Variants in VWC2L observed in about 807,000 individuals in gnomAD.
VWC2L encodes von Willebrand factor C domain-containing protein 2-like.
In VWC2L, 10 loss-of-function variants were observed where a neutral mutation model predicts 21.6. The ratio of observed to expected loss-of-function variants is 0.46; its 90% CI spans 0.29 to 0.78. VWC2L has a LOEUF of 0.78. Ranked by LOEUF, VWC2L falls within the 30% of genes least tolerant of loss-of-function variation. VWC2L has a pLI of 0.10. For missense variants in VWC2L, 209 were observed against 277.1 expected, an observed-to-expected ratio of 0.75 and a Z score of 1.74; for synonymous variants, 96 against 94.3, an observed-to-expected ratio of 1.02 and a Z score of -0.10.
intron 2 of VWC2L, among the ~76,000 whole-genome samples, chr2:214,431,526 T>G (rs540322991): frequency 6.6e-6 from 1 of 152,128 alleles, no homozygotes; most frequent in Non-Finnish European, 1.5e-5. Context: ...TAAACTTGGC[T>G]CTTAGAATAT....
chr2:214,513,992 G>A (rs965095667), intron 3 of VWC2L, among the ~76,000 whole-genome samples: 2 of 152,094 alleles, frequency 1.3e-5, no homozygotes, highest in African/African-American at 4.8e-5. Flanking sequence ...ATGACAGCAG[G>A]ATGTTGATGG....
At position 214,577,527 on chromosome 2, in the gene VWC2L, T is replaced by C. The variant is rs577252524; in HGVS notation, c.*1707T>C. On this transcript the variant is annotated 3_prime_UTR_variant, in exon 4 of 4. Coordinates refer to ENST00000312504, the MANE Select transcript of VWC2L (RefSeq NM_001080500.4). ...AGAACCAGTGGTCTAGAATAATCAG[T>C]ATAGAGTGGTTTCTGGCAGGGGACA... 2.0e-5 allele frequency: 3 copies of C among 152,142 alleles called. No individual in the cohort carries two copies. Among genetic ancestry groups the C allele is most frequent in the African/African-American group, 7.2e-5 (3 of 41,386 alleles). The allele number at this position is 152,142 out of a possible 1,614,324, so 9.4% of individuals were successfully genotyped here.
intron 3 of VWC2L, among the ~76,000 whole-genome samples, chr2:214,492,737 T>G (rs1688761745): frequency 6.6e-6 from 1 of 152,166 alleles, no homozygotes; most frequent in Admixed American, 6.5e-5. Flanking sequence ...TTTCTTAATT[T>G]TGAGTTTTGG....
Position 214,496,346 on chromosome 2 carries a change from T to TCTTCCTCTCC in VWC2L, c.520+59588_520+59589insCTTCCTCTCC, listed in dbSNP as rs538320696. ...AGATGCAATAGAATGGCTGCAAGCA[T>TCTTCCTCTCC]ATGAAACATCTTCCTCTCCATGACT... On this transcript the variant is annotated intron_variant, in intron 3 of 3. Transcript: ENST00000312504. Among the ~76,000 whole-genome samples, 13 of 146,326 alleles carry TCTTCCTCTCC rather than the reference T, an allele frequency of 8.9e-5. No homozygotes were observed. In the East Asian group the frequency reaches 2.4e-3, roughly 27 times the overall value.
chr2:214,556,925 C>A (rs1689881763), intron 3 of VWC2L, among the ~76,000 whole-genome samples: 1 of 152,196 alleles, frequency 6.6e-6, no homozygotes, highest in Admixed American at 6.5e-5. Flanking sequence ...ACACTTCGTG[C>A]TGACTATCCT....
chr2:214,501,802 T>C (rs1348890895), intron 3 of VWC2L, among the ~76,000 whole-genome samples: 1 of 151,708 alleles, frequency 6.6e-6, no homozygotes, highest in Admixed American at 6.6e-5. Context: ...GCCATTGCTC[T>C]CTTGGGATCT....
intron 3 of VWC2L, among the ~76,000 whole-genome samples, chr2:214,465,781 A>C (rs996389825): frequency 6.6e-6 from 1 of 152,160 alleles, no homozygotes; most frequent in Non-Finnish European, 1.5e-5. Flanking sequence ...GTGTAGCCAG[A>C]ACTCAGGTTC....
rs148505966 is a variant in VWC2L, at chr2:214,526,433, C to T, written c.521-49239C>T. On this transcript the variant is annotated intron_variant, in intron 3 of 3. Coordinates refer to ENST00000312504, the MANE Select transcript of VWC2L (RefSeq NM_001080500.4). ...TAATACTTTTTGGCATTTTTCGATT[C>T]GTTCACTGTAGAATAAAATAAGTGA... Among the ~76,000 whole-genome samples the T allele has an allele frequency of 1.7e-3, 263 of 152,230 alleles. 1 individual carries two copies. Among genetic ancestry groups the T allele is most frequent in the Non-Finnish European group, 1.8e-3 (125 of 68,012 alleles).
chr2:214,550,425 G>C (rs949934085), intron 3 of VWC2L, among the ~76,000 whole-genome samples: 2 of 152,014 alleles, frequency 1.3e-5, no homozygotes, highest in Non-Finnish European at 2.9e-5. Flanking sequence ...TATTTCTAAT[G>C]TATCCAACAC....
intron 3 of VWC2L, among the ~76,000 whole-genome samples, chr2:214,468,459 T>C (rs1470953851): frequency 6.6e-6 from 1 of 152,238 alleles, no homozygotes; most frequent in East Asian, 1.9e-4. Flanking sequence ...GTGCTTTCCA[T>C]AGCAATATGG....
intron 3 of VWC2L, among the ~76,000 whole-genome samples, chr2:214,575,034 TA>T (rs3046806): frequency 0.016 from 1,882 of 118,406 alleles, 9 homozygotes; most frequent in Non-Finnish European, 0.023. Context: ...GGTCATTCTT[TA>T]AAAAAAAAAA....
intron 3 of VWC2L, among the ~76,000 whole-genome samples, chr2:214,445,865 TA>T (rs1249830044): frequency 6.6e-6 from 1 of 152,106 alleles, no homozygotes; most frequent in Non-Finnish European, 1.5e-5. Flanking sequence ...GACTTCTTAT[TA>T]AAATTTGTAC....
chr2:214,451,941 CTAT>C (rs1252754000), intron 3 of VWC2L, among the ~76,000 whole-genome samples: 1 of 152,150 alleles, frequency 6.6e-6, no homozygotes, highest in African/African-American at 2.4e-5. Flanking sequence ...ACCTGTGAAA[CTAT>C]TGTCATAATC....
Position 214,411,059 on chromosome 2 carries a change from C to G in VWC2L, c.-808C>G, listed in dbSNP as rs1440090066. 2 of 152,306 alleles carry G rather than the reference C, an allele frequency of 1.3e-5. No homozygotes were observed. The highest frequency in any genetic ancestry group is 6.5e-5 in the Admixed American group (1 of 15,300). The allele number at this position is 152,306 out of a possible 1,614,324, so 9.4% of individuals were successfully genotyped here. ...GACTGCTTGGAGAGCACTCTAGCCT[C>G]GTCTAAAGCAGCTCTGGGATTTCGA... On this transcript the variant is annotated 5_prime_UTR_variant, in exon 1 of 4. Coordinates refer to ENST00000312504, the MANE Select transcript of VWC2L (RefSeq NM_001080500.4).
intron 3 of VWC2L, among the ~76,000 whole-genome samples, chr2:214,446,575 T>A (rs1171304554): frequency 6.6e-6 from 1 of 152,220 alleles, no homozygotes. Context: ...TTATTAGGGC[T>A]ACCTGGTCTT....
chr2:214,437,316 C>G (rs1398501501), intron 3 of VWC2L, among the ~76,000 whole-genome samples: 1 of 152,142 alleles, frequency 6.6e-6, no homozygotes, highest in Non-Finnish European at 1.5e-5. Context: ...CTCACAGTAA[C>G]TGCTATAGAG....
chr2:214,529,329 T>C (rs1689395581), intron 3 of VWC2L, among the ~76,000 whole-genome samples: 1 of 152,094 alleles, frequency 6.6e-6, no homozygotes, highest in Non-Finnish European at 1.5e-5. Flanking sequence ...AACTCAACCA[T>C]GGGTGCCCTG....
intron 3 of VWC2L, among the ~76,000 whole-genome samples, chr2:214,542,673 A>C (rs13397126): frequency 0.26 from 39,095 of 152,106 alleles, 5,182 homozygotes; most frequent in Middle Eastern, 0.37. Flanking sequence ...CCTGCATCTT[A>C]TTATCCCACT....
chr2:214,489,992 G>C (rs1688723761), intron 3 of VWC2L, among the ~76,000 whole-genome samples: 1 of 152,210 alleles, frequency 6.6e-6, no homozygotes, highest in Admixed American at 6.6e-5. Context: ...CTGGGTGCAG[G>C]AGAGCTGGAA....
Sources: allele counts gnomAD v4.1 joint callset (sites outside exome capture counted in the v4.1 genomes callset), GRCh38; gene constraint gnomAD v4.1.1; transcripts MANE v1.5; gene names NCBI Gene and HGNC (gene_info 2026-07-23, HGNC 2026-07-21).